NT5C3A: variants seen among roughly 807,000 people sequenced by gnomAD.
NT5C3A encodes the protein 5'-nucleotidase, cytosolic IIIA.
In NT5C3A, 23 loss-of-function variants were observed where a neutral mutation model predicts 40.0. The ratio of observed to expected loss-of-function variants is 0.58; its 90% CI spans 0.41 to 0.81. The LOEUF (loss-of-function observed/expected upper bound fraction) is 0.81. NT5C3A is among the 40% of genes least tolerant of loss of function. The probability of loss-of-function intolerance (pLI) is 0.00; values close to 1 mark genes in which losing one functional copy is unlikely to be tolerated. For synonymous variants in NT5C3A, 130 were observed against 141.4 expected, an observed-to-expected ratio of 0.92 and a Z score of 0.57; for missense variants, 328 against 403.0, an observed-to-expected ratio of 0.81 and a Z score of 1.59.
At chr7:33,062,470 G>A (rs903071684) in intron 1 of NT5C3A, 98 bp downstream of exon 1, 45 of 1,134,200 alleles carry the variant, frequency 4.0e-5, no homozygotes, top group Non-Finnish European at 5.5e-5. Context: ...GCAGCTCCCC[G>A]TCGCGACCGA....
chr7:33,061,308 G>A (rs10254146), intron 1 of NT5C3A, among the ~76,000 whole-genome samples: 4 of 152,210 alleles, frequency 2.6e-5, no homozygotes, highest in African/African-American at 4.8e-5. Flanking sequence ...ATTTTAATAA[G>A]CCTTTAGAAT....
chr7:33,014,972 A>G lies in NT5C3A; in HGVS notation c.895-141T>C. 3 of 782,712 alleles carry G rather than the reference A, an allele frequency of 3.8e-6. No individual in the cohort carries two copies. The South Asian group carries it at 4.9e-5, about 13-fold the overall frequency. The allele number at this position is 782,712 out of a possible 1,614,324, so 48.5% of individuals were successfully genotyped here. A position where few individuals can be genotyped will look rare whatever the true frequency, so the allele number is the denominator to read the frequency against. On this transcript the variant is annotated intron_variant, in intron 8 of 8. Transcript: ENST00000610140. ...CAAAAAATCTTTGAAATGAAGAAAT[A>G]TTTTCAAATCCTTAAGACCCACTGA...
chr7:33,023,971 A>T (rs778931117), intron 3 of NT5C3A, 68 bp downstream of exon 3: 1 of 887,928 alleles, frequency 1.1e-6, no homozygotes, highest in African/African-American at 1.6e-5. Flanking sequence ...TCTCACAGGT[A>T]ATATAAAGAG....
Position 33,024,103 on chromosome 7 carries a change from T to A in NT5C3A, c.243A>T (p.Ile81=). The A allele has an allele frequency of 6.4e-7, 1 of 1,564,908 alleles. No individual in the cohort carries two copies. The highest frequency in any genetic ancestry group is 1.1e-5 in the South Asian group (1 of 89,598). ...IKGGAAKLQI[I]TDFDMTLSRF... Reference sequence around the variant, plus strand: ...TACTGAGTGTCATATCAAAGTCCGTTATTATCTGTAAGAAAAGAGTGAAAT... The same window carrying A: ...TACTGAGTGTCATATCAAAGTCCGTAATTATCTGTAAGAAAAGAGTGAAAT... Residue 81 remains isoleucine (I), a synonymous_variant, in exon 3 of 9, where the codon ATA becomes ATT. Coordinates refer to ENST00000610140, the MANE Select transcript of NT5C3A (RefSeq NM_001002010.5).
chr7:33,017,064 T>A (rs1333641580), intron 7 of NT5C3A: 1 of 181,042 alleles, frequency 5.5e-6, no homozygotes, highest in Non-Finnish European at 1.1e-5. Context: ...ACGCTTGTAA[T>A]CCCAGCTACT....
chr7:33,031,237 A>G (rs1476428338), intron 1 of NT5C3A, among the ~76,000 whole-genome samples: 1 of 152,180 alleles, frequency 6.6e-6, no homozygotes, highest in African/African-American at 2.4e-5. Flanking sequence ...GATTATGACA[A>G]CTTCAAAGTT....
At chr7:33,036,876 A>G (rs915354565) in intron 1 of NT5C3A, among the ~76,000 whole-genome samples, 1 of 151,948 alleles carries the variant, frequency 6.6e-6, no homozygotes, top group East Asian at 1.9e-4. Context: ...CAGTGGCATG[A>G]TCTCAGCTCA....
chr7:33,061,594 C>T (rs541495913), intron 1 of NT5C3A, among the ~76,000 whole-genome samples: 1 of 152,114 alleles, frequency 6.6e-6, no homozygotes, highest in Non-Finnish European at 1.5e-5. Context: ...TAGGACAAAT[C>T]GTGTCTTTCG....
intron 1 of NT5C3A, among the ~76,000 whole-genome samples, chr7:33,035,726 CACG>C (rs1199587173): frequency 6.6e-6 from 1 of 152,128 alleles, no homozygotes; most frequent in African/African-American, 2.4e-5. Flanking sequence ...TTCTGAGAAG[CACG>C]ACAATGTGCA....
chr7:33,022,495 C>G (rs2127996718), intron 3 of NT5C3A, among the ~76,000 whole-genome samples: 1 of 152,204 alleles, frequency 6.6e-6, no homozygotes, highest in East Asian at 1.9e-4. Context: ...ACGTAAACAT[C>G]TGGAAAATCC....
intron 1 of NT5C3A, among the ~76,000 whole-genome samples, chr7:33,049,969 C>CAAAAAAAAA (rs61035673): frequency 1.7e-5 from 1 of 58,462 alleles, no homozygotes; most frequent in African/African-American, 5.5e-5. Context: ...GACTCCATCT[C>CAAAAAAAAA]AAAAAAAAAA....
At chr7:33,015,527 C>T in intron 8 of NT5C3A, 143 bp downstream of exon 8, 1 of 624,372 alleles carries the variant, frequency 1.6e-6, no homozygotes, top group Non-Finnish European at 2.8e-6. Context: ...TGCATCACTA[C>T]ACTCTAGCCT....
intron 6 of NT5C3A, among the ~76,000 whole-genome samples, chr7:33,018,773 C>T (rs555684758): frequency 6.6e-6 from 1 of 151,456 alleles, no homozygotes; most frequent in Admixed American, 6.6e-5. Flanking sequence ...TGGCGTGAAC[C>T]TGGGAGGCGG....
intron 7 of NT5C3A, among the ~76,000 whole-genome samples, chr7:33,016,583 T>C (rs553667253): frequency 1.3e-5 from 2 of 150,430 alleles, no homozygotes; most frequent in Admixed American, 6.6e-5. Context: ...GTAGGGAGAA[T>C]TGCTTGAACC....
chr7:33,016,472 C>T (rs1405457545), intron 7 of NT5C3A, among the ~76,000 whole-genome samples: 1 of 150,408 alleles, frequency 6.6e-6, no homozygotes, highest in Admixed American at 6.6e-5. Flanking sequence ...GAGATCAGAC[C>T]ATCCTGACCA....
chr7:33,036,776 T>A (rs909432046), intron 1 of NT5C3A, among the ~76,000 whole-genome samples: 1 of 152,040 alleles, frequency 6.6e-6, no homozygotes, highest in African/African-American at 2.4e-5. Flanking sequence ...TTCCTTCAAT[T>A]TTCTTACATT....
intron 1 of NT5C3A, among the ~76,000 whole-genome samples, chr7:33,048,304 C>T (rs1787235114): frequency 6.6e-6 from 1 of 152,040 alleles, no homozygotes; most frequent in African/African-American, 2.4e-5. Flanking sequence ...CTCCACCTCC[C>T]AACGTGCTGG....
chr7:33,018,510 T>C (rs537212890), intron 6 of NT5C3A, among the ~76,000 whole-genome samples: 1 of 152,350 alleles, frequency 6.6e-6, no homozygotes, highest in East Asian at 1.9e-4. Flanking sequence ...AACATCATCA[T>C]ATTTGCCTAA....
intron 1 of NT5C3A, chr7:33,041,067 C>A: frequency 3.0e-6 from 3 of 985,206 alleles, no homozygotes; most frequent in Non-Finnish European, 3.6e-6. Flanking sequence ...GAGCTAGTCA[C>A]AAGTCAATCT....
Sources: allele counts gnomAD v4.1 joint callset (sites outside exome capture counted in the v4.1 genomes callset), GRCh38; gene constraint gnomAD v4.1.1; transcripts MANE v1.5; gene names NCBI Gene and HGNC (gene_info 2026-07-23, HGNC 2026-07-21).